Variants in TCAF1 observed in about 807,000 individuals in gnomAD.
The protein encoded by TCAF1 is TRPM8 channel-associated factor 1.
A neutral mutation model predicts 27.3 loss-of-function variants in TCAF1; 4 were observed. The observed-to-expected ratio is 0.15, with a 90% CI of 0.07 to 0.34. The LOEUF (loss-of-function observed/expected upper bound fraction) is 0.34. TCAF1 is among the 10% of genes least tolerant of loss of function. TCAF1 has a pLI of 1.00. For synonymous variants in TCAF1, 105 were observed against 167.1 expected, an observed-to-expected ratio of 0.63 and a Z score of 2.87; for missense variants, 257 against 425.8, an observed-to-expected ratio of 0.60 and a Z score of 3.49.
intron 1 of TCAF1, among the ~76,000 whole-genome samples, chr7:143,895,121 T>C (rs1424747391): frequency 6.6e-6 from 1 of 151,890 alleles, no homozygotes; most frequent in Admixed American, 6.6e-5. Context: ...TATATATTTC[T>C]GATGGGAACA....
intron 1 of TCAF1, chr7:143,882,207 C>T: frequency 5.9e-6 from 1 of 168,952 alleles, no homozygotes; most frequent in Non-Finnish European, 1.2e-5. Context: ...CACACACACA[C>T]ACACACACAC....
At chr7:143,891,810 T>C (rs1258651821) in intron 1 of TCAF1, among the ~76,000 whole-genome samples, 1 of 152,068 alleles carries the variant, frequency 6.6e-6, no homozygotes, top group African/African-American at 2.4e-5. Flanking sequence ...GAAAACTACA[T>C]TGAGACACAT....
At chr7:143,860,021 T>TATATATTATATATATAATATATA (rs1811917784) in intron 6 of TCAF1, among the ~76,000 whole-genome samples, 187 bp downstream of exon 6, 8 of 32,720 alleles carry the variant, frequency 2.4e-4, no homozygotes, top group Non-Finnish European at 4.6e-4. Context: ...TAATATATAT[T>TATATATTATATATATAATATATA]ATATATTATA....
chr7:143,886,588 A>C (rs1441965114), intron 1 of TCAF1: 1 of 951,576 alleles, frequency 1.1e-6, no homozygotes, highest in African/African-American at 1.8e-5. Context: ...ATCATTCCTC[A>C]AAAAAACAAA....
At chr7:143,890,956 G>A (rs2116850847) in intron 1 of TCAF1, among the ~76,000 whole-genome samples, 1 of 152,316 alleles carries the variant, frequency 6.6e-6, no homozygotes, top group Admixed American at 6.5e-5. Context: ...AAGCAATGGA[G>A]TTTATGCCCC....
At chr7:143,893,264 T>C (rs1211397245) in intron 1 of TCAF1, among the ~76,000 whole-genome samples, 1 of 152,116 alleles carries the variant, frequency 6.6e-6, no homozygotes, top group Non-Finnish European at 1.5e-5. Flanking sequence ...CTTCAAAATT[T>C]ATAAAGCAAA....
intron 1 of TCAF1, among the ~76,000 whole-genome samples, chr7:143,901,707 A>C (rs1814120209): frequency 6.6e-6 from 1 of 152,168 alleles, no homozygotes; most frequent in South Asian, 2.1e-4. Context: ...CTCCTTGCGG[A>C]GCAAAAAACA....
At chr7:143,868,668 CAT>C (rs1160717289) in intron 2 of TCAF1, among the ~76,000 whole-genome samples, 4 of 45,064 alleles carry the variant, frequency 8.9e-5, no homozygotes, top group Non-Finnish European at 1.5e-4. Flanking sequence ...AAACAAAACA[CAT>C]ATATATATAT....
intron 1 of TCAF1, chr7:143,885,452 C>G (rs1813354945): frequency 1.0e-6 from 1 of 985,248 alleles, no homozygotes; most frequent in Non-Finnish European, 1.2e-6. Flanking sequence ...CCGCAGAGGC[C>G]CGGCTTTGTG....
At chr7:143,882,478 G>C in intron 1 of TCAF1, 1 of 985,412 alleles carries the variant, frequency 1.0e-6, no homozygotes, top group Non-Finnish European at 1.2e-6. Flanking sequence ...GTCAGAACCT[G>C]GAGAGGAGGA....
intron 1 of TCAF1, among the ~76,000 whole-genome samples, chr7:143,900,972 A>G (rs1814087163): frequency 6.6e-6 from 1 of 152,212 alleles, no homozygotes; most frequent in African/African-American, 2.4e-5. Flanking sequence ...AACTAAAAAG[A>G]AAAGCAAGGG....
chr7:143,860,006 A>ATAT lies in TCAF1; in HGVS notation c.2167+199_2167+201dup, dbSNP rs1554485971. On this transcript the variant is annotated intron_variant, in intron 6 of 8. Transcript: ENST00000479870. ...TTATATAATATATATTATATAATAT[A>ATAT]TATATAATATATATTATATATTATA... Among the ~76,000 whole-genome samples, 65 of 27,346 alleles carry ATAT rather than the reference A, an allele frequency of 2.4e-3. 7 individuals carry two copies. The highest frequency in any genetic ancestry group is 3.4e-3 in the Non-Finnish European group (47 of 13,884). 17.9% of individuals were successfully genotyped at this position (27,346 alleles called of 152,430 possible). A position where few individuals can be genotyped will look rare whatever the true frequency, so the allele number is the denominator to read the frequency against.
chr7:143,870,632 A>G (rs1302958367), intron 2 of TCAF1, among the ~76,000 whole-genome samples: 1 of 151,744 alleles, frequency 6.6e-6, no homozygotes, highest in Non-Finnish European at 1.5e-5. Flanking sequence ...CAGATGGTCT[A>G]TCTTCACGGT....
In TCAF1 at chr7:143,859,771, T is replaced by C. The variant is rs778674548; in HGVS notation, c.2167+437A>G. 6.7e-3 allele frequency among the ~76,000 whole-genome samples: 896 copies of C among 133,352 alleles called. 3 individuals carry two copies. The highest frequency in any genetic ancestry group is 0.016 in the Middle Eastern group (4 of 254). 87.5% of individuals were successfully genotyped at this position (133,352 alleles called of 152,430 possible). A position where few individuals can be genotyped will look rare whatever the true frequency, so the allele number is the denominator to read the frequency against. On this transcript the variant is annotated intron_variant, in intron 6 of 8. Coordinates refer to ENST00000479870, the MANE Select transcript of TCAF1 (RefSeq NM_014719.3). ...GACCTAGGTCACGGCCCTCTGCCAT[T>C]TTTACCGGCTTGAAGTCCCTGATGA...
intron 1 of TCAF1, among the ~76,000 whole-genome samples, chr7:143,898,625 A>G (rs1178081337): frequency 6.6e-6 from 1 of 152,222 alleles, no homozygotes; most frequent in East Asian, 1.9e-4. Context: ...GAAATTTAAC[A>G]AAAACTGAGC....
rs1198979791 is a variant in TCAF1 at position 143,890,169 on chromosome 7, A to AT, written c.-15+11791dup. Reference sequence around the variant, plus strand: ...ACACCCAGTTATTTTATTTTATTTTATTTTTTGTATTTTTAGTAGAGACAG... The same window carrying AT: ...ACACCCAGTTATTTTATTTTATTTTATTTTTTTGTATTTTTAGTAGAGACAG... On this transcript the variant is annotated intron_variant, in intron 1 of 8. Transcript: ENST00000479870. Among the ~76,000 whole-genome samples the AT allele has an allele frequency of 5.6e-5, 8 of 142,882 alleles. No individual in the cohort carries two copies. In the East Asian group the frequency reaches 1.7e-3, roughly 31 times the overall value. The allele number at this position is 142,882 out of a possible 152,430, so 93.7% of individuals were successfully genotyped here.
intron 2 of TCAF1, among the ~76,000 whole-genome samples, chr7:143,870,304 CAT>C (rs1405170271): frequency 6.6e-6 from 1 of 151,878 alleles, no homozygotes; most frequent in Admixed American, 6.6e-5. Flanking sequence ...AATATGGAAA[CAT>C]AGTTCACTGA....
chr7:143,885,443 C>T (rs1277128509), intron 1 of TCAF1: 4 of 985,436 alleles, frequency 4.1e-6, no homozygotes, highest in South Asian at 4.7e-5. Context: ...GCCCCCGGAC[C>T]GCAGAGGCCC....
intron 1 of TCAF1, among the ~76,000 whole-genome samples, chr7:143,887,705 A>G (rs1445954278): frequency 6.6e-6 from 1 of 152,190 alleles, no homozygotes; most frequent in African/African-American, 2.4e-5. Flanking sequence ...TCAGCTGGGT[A>G]CCATCAACAG....
Sources: gnomAD v4.1 joint callset for allele counts (sites outside exome capture counted in the v4.1 genomes callset) on GRCh38, gnomAD v4.1.1 for gene constraint, MANE v1.5 for transcripts, NCBI Gene and HGNC (gene_info 2026-07-23, HGNC 2026-07-21) for gene names.